The following CASTOR2 variants were observed in gnomAD, a reference collection of about 807,000 sequenced individuals.
CASTOR2 encodes cytosolic arginine sensor for mTORC1 subunit 2, also known as GATS protein like 2.
Under a neutral mutation model 31.2 loss-of-function variants are expected in CASTOR2, and 8 were observed. That is an observed-to-expected ratio of 0.26 (90% CI 0.15 to 0.46). The LOEUF (loss-of-function observed/expected upper bound fraction) is 0.46. CASTOR2 is among the 20% of genes least tolerant of loss of function. The probability of loss-of-function intolerance (pLI) is 0.99; values close to 1 mark genes in which losing one functional copy is unlikely to be tolerated. For missense variants in CASTOR2, 216 were observed against 382.1 expected, an observed-to-expected ratio of 0.57 and a Z score of 3.62; for synonymous variants, 162 against 158.7, an observed-to-expected ratio of 1.02 and a Z score of -0.16.
rs1584481313 is a variant in CASTOR2, at chr7:75,027,719, C to T, written c.*3020C>T. 9.9e-6 allele frequency: 4 copies of T among 404,670 alleles called. No individual in the cohort carries two copies. The highest frequency in any genetic ancestry group is 5.7e-5 in the East Asian group (1 of 17,464). The allele number at this position is 404,670 out of a possible 1,614,324, so 25.1% of individuals were successfully genotyped here. ...GGAGCTGCCCCCTGGGGACCCTGCTCCTCGGTCACAGGGGGCCCCTTTAGT... is the reference window on the plus strand; with the variant it reads ...GGAGCTGCCCCCTGGGGACCCTGCTTCTCGGTCACAGGGGGCCCCTTTAGT... On this transcript the variant is annotated 3_prime_UTR_variant, in exon 9 of 9. Coordinates refer to ENST00000616305, the MANE Select transcript of CASTOR2 (RefSeq NM_001145064.3).
In CASTOR2 at chr7:75,030,143, A is replaced by G. The variant is rs1466368249; in HGVS notation, c.*5444A>G. 6.6e-6 allele frequency among the ~76,000 whole-genome samples: 1 copy of G among 152,180 alleles called. No homozygotes were observed. Among genetic ancestry groups the G allele is most frequent in the African/African-American group, 2.4e-5 (1 of 41,450 alleles). ...CTGTCACTATAAGGGAAGAGGAGCT[A>G]TGGAAATTGGAAGTGCAGGGTGGCC... is the stretch of plus-strand genomic sequence containing the variant. On this transcript the variant is annotated 3_prime_UTR_variant, in exon 9 of 9. Transcript: ENST00000616305.
chr7:74,964,742 C>A lies in CASTOR2; in HGVS notation c.-244C>A, dbSNP rs1290226212. 1 of 91,604 alleles carries A rather than the reference C, an allele frequency of 1.1e-5. No homozygotes were observed. The highest frequency in any genetic ancestry group is 2.1e-5 in the Non-Finnish European group (1 of 46,742). The allele number at this position is 91,604 out of a possible 1,614,324, so 5.7% of individuals were successfully genotyped here. ...CGCCGGGCGCCGCGCGCCGCTGCTC[C>A]GCCGCTCGGCCCCTCGGCTGCTGCT... On this transcript the variant is annotated 5_prime_UTR_variant, in exon 1 of 9. Coordinates refer to ENST00000616305, the MANE Select transcript of CASTOR2 (RefSeq NM_001145064.3).
intron 1 of CASTOR2, among the ~76,000 whole-genome samples, chr7:74,985,812 G>T (rs1272067789): frequency 1.1e-4 from 16 of 152,044 alleles, no homozygotes; most frequent in African/African-American, 1.2e-4. Flanking sequence ...TCTACCAGAG[G>T]TGGTTGCTCC....
rs978910384 is a variant in CASTOR2, at chr7:75,020,218, G to A, written c.746+69G>A. The A allele has an allele frequency of 5.6e-5, 73 of 1,309,644 alleles. 1 individual carries two copies. In the Middle Eastern group the frequency reaches 1.1e-3, roughly 19 times the overall value. The allele number at this position is 1,309,644 out of a possible 1,614,324, so 81.1% of individuals were successfully genotyped here. ...CAGGGTCTGGGGGGACTATGTGATG[G>A]CACATCACCCACTTTGTCTTTTATT... On this transcript the variant is annotated intron_variant, in intron 6 of 8. Transcript: ENST00000616305.
intron 2 of CASTOR2, among the ~76,000 whole-genome samples, chr7:75,011,682 C>T (rs1584473919): frequency 1.4e-5 from 2 of 142,252 alleles, no homozygotes; most frequent in Non-Finnish European, 3.0e-5. Flanking sequence ...TTGCAGTGAG[C>T]CGAGATCACG....
chr7:75,017,967 C>T (rs1324941006), intron 3 of CASTOR2, 23 bp from the exon 4 acceptor site: 98 of 1,614,026 alleles, frequency 6.1e-5, no homozygotes, highest in Middle Eastern at 3.3e-4. Flanking sequence ...CAGGCACACA[C>T]GGCCTCAACT....
intron 2 of CASTOR2, among the ~76,000 whole-genome samples, chr7:75,012,222 C>T (rs1554439527): frequency 2.0e-5 from 3 of 152,088 alleles, no homozygotes; most frequent in Non-Finnish European, 4.4e-5. Context: ...TGGGGTGGGC[C>T]TAGGGGCTGC....
At chr7:74,993,243 C>T (rs1804254538) in intron 1 of CASTOR2, among the ~76,000 whole-genome samples, 1 of 152,030 alleles carries the variant, frequency 6.6e-6, no homozygotes, top group Non-Finnish European at 1.5e-5. Flanking sequence ...TTCTAGAAGT[C>T]ATCTACCCCC....
Position 75,020,083 on chromosome 7 carries a change from G to A in CASTOR2, c.680G>A (p.Arg227His), listed in dbSNP as rs1214762445. 1.1e-5 allele frequency: 17 copies of A among 1,551,342 alleles called. No homozygotes were observed. Among genetic ancestry groups the A allele is most frequent in the African/African-American group, 2.7e-5 (2 of 73,044 alleles). ...ACTGGGGATGACTGCGGCCACATCC[G>A]CTTCTTCTCCTTCTCCCTCATCGAG... ...MATGDDCGHI[R>H]FFSFSLIEGY... Residue 227 changes from arginine (R) to histidine (H), a missense_variant, in exon 6 of 9, where the codon CGC becomes CAC. This residue lies in a region of CASTOR2 where 44 missense variants were observed against 57.5 expected (regional missense o/e 0.76). Transcript: ENST00000616305.
intron 2 of CASTOR2, among the ~76,000 whole-genome samples, chr7:75,014,732 G>A (rs1804829310): frequency 6.6e-6 from 1 of 152,178 alleles, no homozygotes; most frequent in African/African-American, 2.4e-5. Flanking sequence ...AGCAGCAGCC[G>A]CCTCTTCCCC....
chr7:74,993,122 C>A (rs1486652022), intron 1 of CASTOR2, among the ~76,000 whole-genome samples: 5 of 152,076 alleles, frequency 3.3e-5, no homozygotes, highest in African/African-American at 1.2e-4. Flanking sequence ...ATGGCGTGAA[C>A]CCAGGAGGGG....
intron 2 of CASTOR2, among the ~76,000 whole-genome samples, chr7:75,012,730 C>G (rs1465749497): frequency 5.9e-5 from 9 of 151,906 alleles, no homozygotes. Flanking sequence ...CCTCCACCTC[C>G]TGGGTTCAAG....
chr7:74,986,368 G>GT (rs1804065806), intron 1 of CASTOR2, among the ~76,000 whole-genome samples: 1 of 151,912 alleles, frequency 6.6e-6, no homozygotes, highest in Non-Finnish European at 1.5e-5. Flanking sequence ...ACGGGTGCCT[G>GT]TAATCCCAGC....
chr7:74,993,877 A>G (rs1300378336), intron 1 of CASTOR2, among the ~76,000 whole-genome samples: 6 of 151,744 alleles, frequency 4.0e-5, no homozygotes, highest in Admixed American at 3.9e-4. Flanking sequence ...CATCTCAGAA[A>G]AGGTTTTGCC....
chr7:75,022,034 ACT>A, intron 7 of CASTOR2, 78 bp downstream of exon 7: 1 of 1,509,082 alleles, frequency 6.6e-7, no homozygotes, highest in East Asian at 2.5e-5. Context: ...GTCCGCAGTG[ACT>A]CGGCCCCTGC....
intron 1 of CASTOR2, among the ~76,000 whole-genome samples, chr7:74,995,272 C>T (rs143146793): frequency 0.038 from 5,794 of 151,654 alleles, 140 homozygotes; most frequent in African/African-American, 0.058. Flanking sequence ...AGTATGAAAC[C>T]GACAGCTCAG....
Position 75,030,478 on chromosome 7 carries a change from G to C in CASTOR2, c.*5779G>C, listed in dbSNP as rs917603703. The stretch of plus-strand genomic sequence containing the variant: ...CCACTTGTCAGAACTACTCTGGAGG[G>C]GGGCAAAGGTGTCAGGAACAGTTTG... On this transcript the variant is annotated 3_prime_UTR_variant, in exon 9 of 9. Coordinates refer to ENST00000616305, the MANE Select transcript of CASTOR2 (RefSeq NM_001145064.3). Among the ~76,000 whole-genome samples the C allele has an allele frequency of 1.4e-3, 206 of 152,308 alleles. No homozygotes were observed. Among genetic ancestry groups the C allele is most frequent in the Admixed American group, 2.7e-3 (41 of 15,294 alleles).
chr7:75,016,657 G>A (rs1804870260), intron 2 of CASTOR2, among the ~76,000 whole-genome samples: 2 of 152,212 alleles, frequency 1.3e-5, no homozygotes, highest in Non-Finnish European at 2.9e-5. Context: ...GACAATGGGT[G>A]TGATGGCAGC....
chr7:75,001,633 A>C (rs1804498156), intron 1 of CASTOR2, among the ~76,000 whole-genome samples: 1 of 152,208 alleles, frequency 6.6e-6, no homozygotes, highest in South Asian at 2.1e-4. Context: ...GTTCTCTTTG[A>C]GGCTTCTCTG....
Sources: gnomAD v4.1 joint callset for allele counts (sites outside exome capture counted in the v4.1 genomes callset) on GRCh38, gnomAD v4.1.1 for gene constraint, gnomAD v4.1.1 regional missense constraint, MANE v1.5 for transcripts, NCBI Gene and HGNC (gene_info 2026-07-23, HGNC 2026-07-21) for gene names.